LRP8: variants seen among roughly 807,000 people sequenced by gnomAD.
LRP8 encodes the protein low-density lipoprotein receptor-related protein 8.
Under a neutral mutation model 111.6 loss-of-function variants are expected in LRP8, and 46 were observed. The observed-to-expected ratio is 0.41, with a 90% CI of 0.33 to 0.53. The LOEUF is 0.53. Ranked by LOEUF, LRP8 falls within the 20% of genes least tolerant of loss-of-function variation. The pLI is 0.20. For synonymous variants in LRP8, 464 were observed against 511.2 expected (o/e 0.91, Z 1.24); for missense variants, 959 against 1,297.4 (o/e 0.74, Z 4.01).
intron 2 of LRP8, among the ~76,000 whole-genome samples, chr1:53,318,386 G>A (rs746363189): frequency 2.0e-5 from 3 of 152,106 alleles, no homozygotes; most frequent in Non-Finnish European, 4.4e-5. Context: ...CAGAGAAGAG[G>A]GAAGTCCTTC....
Position 53,276,710 on chromosome 1 carries a change from A to AT in LRP8, c.864dup (p.Ser289IlefsTer41). ...GGCTTACGGCAGTCGGCCTCGTCCGATTTGTCTTTGCAGTCGCGGTCGCCG... is the reference window on the plus strand; with the variant it reads ...GGCTTACGGCAGTCGGCCTCGTCCGATTTTGTCTTTGCAGTCGCGGTCGCCG... On this transcript the variant is annotated frameshift_variant, in exon 5 of 19. Transcript: ENST00000306052. LOFTEE classifies it high-confidence loss of function. 6.5e-7 allele frequency: 1 copy of AT among 1,538,686 alleles called. No homozygotes were observed. The highest frequency in any genetic ancestry group is 8.7e-7 in the Non-Finnish European group (1 of 1,146,302).
intron 3 of LRP8, among the ~76,000 whole-genome samples, chr1:53,287,146 C>T (rs780457227): frequency 2.0e-4 from 30 of 152,184 alleles, no homozygotes; most frequent in Admixed American, 3.9e-4. Context: ...CCTGGTGGGC[C>T]GTGGAGGTTG....
At chr1:53,301,357 G>A (rs561888488) in intron 2 of LRP8, among the ~76,000 whole-genome samples, 1 of 152,332 alleles carries the variant, frequency 6.6e-6, no homozygotes, top group African/African-American at 2.4e-5. Context: ...TGGCTCCTCA[G>A]GGCAGCTGTG....
chr1:53,276,644 C>T (rs776037024), intron 5 of LRP8, 48 bp downstream of exon 5: 3 of 1,413,340 alleles, frequency 2.1e-6, no homozygotes, highest in Non-Finnish European at 1.9e-6. Context: ...GATCGGATAG[C>T]GGATCCGCAA....
chr1:53,281,518 G>A (rs1344362542), intron 3 of LRP8, among the ~76,000 whole-genome samples: 3 of 152,192 alleles, frequency 2.0e-5, no homozygotes, highest in Admixed American at 6.5e-5. Flanking sequence ...CAGGAGGCCC[G>A]ACCTCCGTGG....
intron 16 of LRP8, among the ~76,000 whole-genome samples, chr1:53,252,202 T>C (rs968184742): frequency 2.6e-5 from 4 of 152,058 alleles, no homozygotes; most frequent in African/African-American, 7.2e-5. Context: ...AAAAGATCAT[T>C]AGCCGTCTTT....
intron 2 of LRP8, among the ~76,000 whole-genome samples, chr1:53,296,116 A>G (rs1426530751): frequency 6.6e-6 from 1 of 152,244 alleles, no homozygotes; most frequent in Non-Finnish European, 1.5e-5. Flanking sequence ...TGGAAAGAAC[A>G]GAGAGAATTG....
At chr1:53,247,834 T>C (rs1449981152) in intron 18 of LRP8, among the ~76,000 whole-genome samples, 1 of 152,222 alleles carries the variant, frequency 6.6e-6, no homozygotes, top group African/African-American at 2.4e-5. Context: ...TTCCGTTCAT[T>C]CTGAGTGTTT....
intron 2 of LRP8, among the ~76,000 whole-genome samples, chr1:53,310,434 G>T (rs550661972): frequency 1.4e-4 from 21 of 152,322 alleles, no homozygotes; most frequent in African/African-American, 5.1e-4. Flanking sequence ...TCTGTAAATG[G>T]GGGATGAGAA....
chr1:53,305,408 A>G (rs2100507259), intron 2 of LRP8: 1 of 152,282 alleles, frequency 6.6e-6, no homozygotes, highest in African/African-American at 2.4e-5. Flanking sequence ...CAGCCCCACC[A>G]CCAGGCTTTG....
intron 4 of LRP8, among the ~76,000 whole-genome samples, chr1:53,277,851 C>A (rs1167057200): frequency 6.6e-6 from 1 of 152,220 alleles, no homozygotes; most frequent in Non-Finnish European, 1.5e-5. Flanking sequence ...CCCCAAGAAT[C>A]CACACTGCCT....
intron 2 of LRP8, among the ~76,000 whole-genome samples, chr1:53,292,716 G>A (rs1035215938): frequency 2.0e-5 from 3 of 152,190 alleles, no homozygotes; most frequent in Non-Finnish European, 4.4e-5. Context: ...GAAACCTCAT[G>A]GCAGGGGGCC....
chr1:53,266,980 T>C lies in LRP8; in HGVS notation c.1253-333A>G, dbSNP rs998426765. 115 of 240,276 alleles carry C rather than the reference T, an allele frequency of 4.8e-4. 2 individuals are homozygous for C. Among genetic ancestry groups the C allele is most frequent in the Non-Finnish European group, 1.6e-4 (19 of 120,658 alleles). The allele number at this position is 240,276 out of a possible 1,614,324, so 14.9% of individuals were successfully genotyped here. A position where few individuals can be genotyped will look rare whatever the true frequency, so the allele number is the denominator to read the frequency against. The stretch of plus-strand genomic sequence containing the variant: ...TCCCTGTCCAGCCTCATTACTCGCC[T>C]CTCCAACATAGCTTGATTCCACCTA... On this transcript the variant is annotated intron_variant, in intron 8 of 18. Transcript: ENST00000306052. This position sits in a 1 kb window ranked among gnomAD's most constrained non-coding sequence, Gnocchi z 5.0.
intron 2 of LRP8, among the ~76,000 whole-genome samples, chr1:53,313,227 CAGGTTCTGGCA>C (rs1300904411): frequency 6.6e-6 from 1 of 152,214 alleles, no homozygotes; most frequent in Middle Eastern, 3.2e-3. Flanking sequence ...AGATCCTCCC[CAGGTTCTGGCA>C]GGGCACCTGG....
In LRP8 at chr1:53,246,772, G is replaced by A; in HGVS notation, c.*246C>T. 2.1e-6 allele frequency: 1 copy of A among 486,920 alleles called. No individual in the cohort carries two copies. 30.2% of individuals were successfully genotyped at this position (486,920 alleles called of 1,614,324 possible). Reference sequence around the variant, plus strand: ...TAGCCATTCCACGAATTCCTCATGGGTAGTGCAACCAGTTAAAAAGTGTAT... The same window carrying A: ...TAGCCATTCCACGAATTCCTCATGGATAGTGCAACCAGTTAAAAAGTGTAT... On this transcript the variant is annotated 3_prime_UTR_variant, in exon 19 of 19. Coordinates refer to ENST00000306052, the MANE Select transcript of LRP8 (RefSeq NM_004631.5).
At chr1:53,264,792 T>C (rs1319961517) in intron 9 of LRP8, among the ~76,000 whole-genome samples, 1 of 152,078 alleles carries the variant, frequency 6.6e-6, no homozygotes, top group African/African-American at 2.4e-5. Flanking sequence ...CAGAAAGCCA[T>C]TAGGGAACAA....
chr1:53,265,344 C>T (rs1163024636), intron 9 of LRP8, among the ~76,000 whole-genome samples: 1 of 152,152 alleles, frequency 6.6e-6, no homozygotes, highest in Non-Finnish European at 1.5e-5. Context: ...CTTGGATGTC[C>T]CATGGACACC....
chr1:53,266,729 C>T lies in LRP8; in HGVS notation c.1253-82G>A. 1 of 1,246,186 alleles carries T rather than the reference C, an allele frequency of 8.0e-7. No homozygotes were observed. The highest frequency in any genetic ancestry group is 1.2e-6 in the Non-Finnish European group (1 of 859,998). The allele number at this position is 1,246,186 out of a possible 1,614,324, so 77.2% of individuals were successfully genotyped here. On this transcript the variant is annotated intron_variant, in intron 8 of 18. Transcript: ENST00000306052. This position sits in a 1 kb window ranked among gnomAD's most constrained non-coding sequence, Gnocchi z 5.0. Reference sequence around the variant, plus strand: ...AGACCAAGACTCTGCCACTGGCTTGCTGGCTGACACATCCATTTTCCTTAA... The same window carrying T: ...AGACCAAGACTCTGCCACTGGCTTGTTGGCTGACACATCCATTTTCCTTAA...
intron 2 of LRP8, among the ~76,000 whole-genome samples, chr1:53,315,966 G>T (rs894555528): frequency 6.6e-6 from 1 of 152,086 alleles, no homozygotes; most frequent in Non-Finnish European, 1.5e-5. Flanking sequence ...AAGGCATGGT[G>T]GGGGAGGTGG....
Sources: allele counts gnomAD v4.1 joint callset (sites outside exome capture counted in the v4.1 genomes callset), GRCh38; gene constraint gnomAD v4.1.1; non-coding constraint Gnocchi (gnomAD v3.1); transcripts MANE v1.5; gene names NCBI Gene and HGNC (gene_info 2026-07-23, HGNC 2026-07-21).